LRP4: variants seen among roughly 807,000 people sequenced by gnomAD.
LRP4 encodes the protein LDL receptor related protein 4, also known as low-density lipoprotein receptor-related protein 4.
LRP4 carries 95 observed loss-of-function variants against 220.3 expected under a neutral mutation model. The ratio of observed to expected loss-of-function variants is 0.43; its 90% CI spans 0.37 to 0.51. LRP4 has a LOEUF of 0.51. Ranked by LOEUF, LRP4 falls within the 20% of genes least tolerant of loss-of-function variation. LRP4 has a pLI of 0.00. For synonymous variants in LRP4, 903 were observed against 954.6 expected (o/e 0.95, Z 1.00); for missense variants, 1,925 against 2,567.0 (o/e 0.75, Z 5.40).
At chr11:46,880,797 C>T (rs566287738) in intron 20 of LRP4, among the ~76,000 whole-genome samples, 8 of 150,474 alleles carry the variant, frequency 5.3e-5, no homozygotes, top group Non-Finnish European at 1.2e-4. Flanking sequence ...AATATTGGGC[C>T]GGGCATGGTG....
Position 46,886,902 on chromosome 11 carries a change from C to T in LRP4, c.2216-369G>A, listed in dbSNP as rs188020458. Among the ~76,000 whole-genome samples the T allele has an allele frequency of 1.5e-3, 227 of 152,354 alleles. 1 individual carries two copies. Among genetic ancestry groups the T allele is most frequent in the Admixed American group, 3.5e-3 (53 of 15,300 alleles). On this transcript the variant is annotated intron_variant, in intron 16 of 37. Transcript: ENST00000378623. ...CATGACTGTGTCAGGGCTCCTGCCC[C>T]TCCACTCCATCACCTGGATCCCTTC...
At chr11:46,909,329 G>A (rs367565483) in intron 1 of LRP4, among the ~76,000 whole-genome samples, 9 of 151,288 alleles carry the variant, frequency 5.9e-5, no homozygotes, top group South Asian at 2.1e-4. Context: ...GGAATCGGCC[G>A]GGCGCGGTGG....
intron 16 of LRP4, among the ~76,000 whole-genome samples, chr11:46,888,081 T>C (rs1941338034): frequency 6.8e-6 from 1 of 147,054 alleles, no homozygotes; most frequent in Admixed American, 6.8e-5. Context: ...CCCAACACTT[T>C]GGAAGGCAGA....
intron 22 of LRP4, among the ~76,000 whole-genome samples, chr11:46,878,492 T>C (rs1479161511): frequency 6.6e-6 from 1 of 152,046 alleles, no homozygotes; most frequent in Non-Finnish European, 1.5e-5. Context: ...CAGGTTGGTC[T>C]TGAACTCCTG....
At chr11:46,878,371 C>T (rs1318638871) in intron 22 of LRP4, among the ~76,000 whole-genome samples, 1 of 151,188 alleles carries the variant, frequency 6.6e-6, no homozygotes, top group Non-Finnish European at 1.5e-5. Flanking sequence ...CCTTCACCTC[C>T]CAGGTTCAAG....
chr11:46,900,643 G>T lies in LRP4; in HGVS notation c.200-265C>A, dbSNP rs113354168. On this transcript the variant is annotated intron_variant, in intron 2 of 37. Transcript: ENST00000378623. ...TCACCACACCTGGCTAGGTTTTTTTGGTTTTTGTTTTTGTTTTTTGCATTT... is the reference window on the plus strand; with the variant it reads ...TCACCACACCTGGCTAGGTTTTTTTTGTTTTTGTTTTTGTTTTTTGCATTT... Among the ~76,000 whole-genome samples the T allele has an allele frequency of 5.1e-3, 771 of 151,292 alleles. 9 individuals carry two copies. Among genetic ancestry groups the T allele is most frequent in the African/African-American group, 0.018 (738 of 41,236 alleles).
intron 9 of LRP4, 48 bp from the exon 10 acceptor site, chr11:46,896,066 C>G (rs1387035486): frequency 6.2e-7 from 1 of 1,613,580 alleles, no homozygotes; most frequent in African/African-American, 1.3e-5. Flanking sequence ...AATCCTCCCC[C>G]AGAGAGCCAA....
At position 46,876,788 on chromosome 11, in the gene LRP4, C is replaced by A. The variant is rs750691101; in HGVS notation, c.3320G>T (p.Arg1107Leu). Residue 1107 changes from arginine (R) to leucine (L), a missense_variant, in exon 24 of 38, where the codon CGT (arginine) becomes CTT (leucine). Transcript: ENST00000378623. The part of the protein sequence containing the change: ...WSDSTLHRIS[R>L]ANLDGSQHED... ...ATGCTGTGAGCCATCCAGATTGGCA[C>A]GACTGATCCTGTGCAGTGTGCTGTC... The A allele has an allele frequency of 6.2e-7, 1 of 1,614,106 alleles. No individual in the cohort carries two copies. Among genetic ancestry groups the A allele is most frequent in the Non-Finnish European group, 8.5e-7 (1 of 1,180,030 alleles).
In LRP4 at chr11:46,856,772, G is replaced by A. The variant is rs1219882526; in HGVS notation, c.*2211C>T. 1 of 152,426 alleles carries A rather than the reference G, an allele frequency of 6.6e-6. No individual in the cohort carries two copies. Among genetic ancestry groups the A allele is most frequent in the East Asian group, 1.9e-4 (1 of 5,204 alleles). The allele number at this position is 152,426 out of a possible 1,614,324, so 9.4% of individuals were successfully genotyped here. A position where few individuals can be genotyped will look rare whatever the true frequency, so the allele number is the denominator to read the frequency against. ...CTTCACTGTGCCCACATCCACAAAG[G>A]ACTTAAAAGTGATGTCTGTAAGCAG... On this transcript the variant is annotated 3_prime_UTR_variant, in exon 38 of 38. Transcript: ENST00000378623. This position sits in a 1 kb window ranked among gnomAD's most constrained non-coding sequence, Gnocchi z 4.1.
intron 18 of LRP4, among the ~76,000 whole-genome samples, chr11:46,884,369 C>T (rs888934711): frequency 3.3e-5 from 5 of 151,552 alleles, no homozygotes; most frequent in African/African-American, 7.3e-5. Flanking sequence ...TTTGAGAGGC[C>T]GAGGCAAGTG....
In LRP4 at chr11:46,889,496, C is replaced by A. The variant is rs199674492; in HGVS notation, c.2130G>T (p.Thr710=). ...NRCGDNNGGC[T]HLCLPSGQNY... is the part of the protein sequence containing the mutation. ...TCTGGCCACTGGGCAGACACAGGTGCGTGCAGCCTCCGTTGTTGTCCCCAC... is the reference window on the plus strand; with the variant it reads ...TCTGGCCACTGGGCAGACACAGGTGAGTGCAGCCTCCGTTGTTGTCCCCAC... The change falls in exon 16 of 38, where the codon ACG becomes ACT. Residue 710 remains threonine (T), a synonymous_variant. Coordinates refer to ENST00000378623, the MANE Select transcript of LRP4 (RefSeq NM_002334.4). 3.1e-6 allele frequency: 5 copies of A among 1,614,040 alleles called. No homozygotes were observed. Among genetic ancestry groups the A allele is most frequent in the Non-Finnish European group, 3.4e-6 (4 of 1,180,016 alleles).
intron 2 of LRP4, among the ~76,000 whole-genome samples, chr11:46,901,738 GT>G (rs111309615): frequency 3.0e-3 from 441 of 145,512 alleles, no homozygotes; most frequent in African/African-American, 6.9e-3. Flanking sequence ...GAAAATATAA[GT>G]TTTTTTTTTT....
chr11:46,880,816 C>T (rs886552691), intron 20 of LRP4, among the ~76,000 whole-genome samples: 3 of 151,574 alleles, frequency 2.0e-5, no homozygotes, highest in Non-Finnish European at 4.4e-5. Flanking sequence ...TGGCTCGTGC[C>T]TATAATCCCA....
At position 46,876,550 on chromosome 11, in the gene LRP4, C is replaced by T. The variant is rs370497551; in HGVS notation, c.3452G>A (p.Gly1151Asp). The change falls in exon 25 of 38, where the codon GGC (glycine) becomes GAC (aspartate). Residue 1151 changes from glycine to aspartate, a missense_variant. Gly to Asp is a moderately conservative substitution (Grantham distance 94, BLOSUM62 -1). Coordinates refer to ENST00000378623, the MANE Select transcript of LRP4 (RefSeq NM_002334.4). ...TDTGTNRIEV[G>D]NLDGSMRKVL... ...TTTCCGCATGGACCCGTCCAGGTTGCCCACTTCAATCCGGTTTGTTCCCGT... is the reference window on the plus strand; with the variant it reads ...TTTCCGCATGGACCCGTCCAGGTTGTCCACTTCAATCCGGTTTGTTCCCGT... The T allele has an allele frequency of 5.4e-5, 87 of 1,614,220 alleles. No homozygotes were observed. Among genetic ancestry groups the T allele is most frequent in the Middle Eastern group, 1.6e-4 (1 of 6,062 alleles).
At chr11:46,874,204 A>G (rs1940948924) in intron 28 of LRP4, 1 of 164,406 alleles carries the variant, frequency 6.1e-6, no homozygotes, top group Admixed American at 5.6e-5. Flanking sequence ...CCTAAACTGT[A>G]TATGCCTACC....
chr11:46,903,209 C>G (rs187278916), intron 1 of LRP4, among the ~76,000 whole-genome samples: 1 of 152,250 alleles, frequency 6.6e-6, no homozygotes, highest in Non-Finnish European at 1.5e-5. Context: ...GATGATGCCA[C>G]CTAGGCTAGG....
chr11:46,904,432 C>T (rs1941724536), intron 1 of LRP4, among the ~76,000 whole-genome samples: 1 of 152,050 alleles, frequency 6.6e-6, no homozygotes, highest in Non-Finnish European at 1.5e-5. Flanking sequence ...TCCATCTCAA[C>T]CCCAAGAGTA....
At chr11:46,867,575 T>C (rs545342157) in intron 34 of LRP4, among the ~76,000 whole-genome samples, 20 of 152,270 alleles carry the variant, frequency 1.3e-4, no homozygotes, top group East Asian at 9.7e-4. Flanking sequence ...GATTCTCCTG[T>C]CTCAGCCTCC....
At chr11:46,892,267 C>T (rs950610069) in intron 13 of LRP4, among the ~76,000 whole-genome samples, 1 of 152,106 alleles carries the variant, frequency 6.6e-6, no homozygotes, top group African/African-American at 2.4e-5. Context: ...TAATTAATTA[C>T]AATTCTTATG....
Sources: gnomAD v4.1 joint callset for allele counts (sites outside exome capture counted in the v4.1 genomes callset) on GRCh38, gnomAD v4.1.1 for gene constraint, Gnocchi (gnomAD v3.1) non-coding constraint, MANE v1.5 for transcripts, NCBI Gene and HGNC (gene_info 2026-07-23, HGNC 2026-07-21) for gene names.